Variants in IFT80 observed in about 807,000 individuals in gnomAD.
IFT80 encodes intraflagellar transport protein 80 homolog.
In IFT80, 79 loss-of-function variants were observed where a neutral mutation model predicts 107.9. The ratio of observed to expected loss-of-function variants is 0.73; its 90% CI spans 0.61 to 0.88. The LOEUF is 0.88. Ranked by LOEUF, IFT80 falls within the 40% of genes least tolerant of loss-of-function variation. The probability of loss-of-function intolerance (pLI) is 0.00; values close to 1 mark genes in which losing one functional copy is unlikely to be tolerated. For synonymous variants in IFT80, 299 were observed against 300.9 expected (o/e 0.99, Z 0.07); for missense variants, 797 against 914.2 (o/e 0.87, Z 1.65).
intron 14 of IFT80, among the ~76,000 whole-genome samples, chr3:160,281,422 G>A (rs1419357562): frequency 6.6e-6 from 1 of 152,180 alleles, no homozygotes; most frequent in Admixed American, 6.5e-5. Context: ...GGGTGGAAAT[G>A]TTACAGCAGG....
intron 11 of IFT80, among the ~76,000 whole-genome samples, chr3:160,301,836 A>G (rs966223381): frequency 1.3e-5 from 2 of 152,114 alleles, no homozygotes; most frequent in Admixed American, 6.5e-5. Flanking sequence ...CTCCATAGAG[A>G]TAACTATGGC....
intron 15 of IFT80, 92 bp from the exon 16 acceptor site, chr3:160,279,456 C>T (rs1714520778): frequency 2.1e-6 from 2 of 970,176 alleles, no homozygotes; most frequent in South Asian, 1.4e-5. Context: ...CCGTGAAATA[C>T]ACACGGAGTC....
chr3:160,361,058 C>T (rs1721455376), intron 6 of IFT80, among the ~76,000 whole-genome samples: 1 of 152,104 alleles, frequency 6.6e-6, no homozygotes, highest in Non-Finnish European at 1.5e-5. Context: ...GGGCTAAATG[C>T]CCCAATTAAA....
At chr3:160,343,653 T>C (rs1720078954) in intron 8 of IFT80, 1 of 182,384 alleles carries the variant, frequency 5.5e-6, no homozygotes, top group African/African-American at 2.4e-5. Flanking sequence ...TTACTTACCA[T>C]CCAGTAATGT....
In IFT80 at chr3:160,399,126, C is replaced by A. The variant is rs1714138480; in HGVS notation, c.-47+20G>T. ...CTTCCAAACCCTTTTCTCACCAGGTCCAGAGGTGAAGGGATTTACCTCAAG... is the reference window on the plus strand; with the variant it reads ...CTTCCAAACCCTTTTCTCACCAGGTACAGAGGTGAAGGGATTTACCTCAAG... On this transcript the variant is annotated intron_variant, in intron 1 of 19. Coordinates refer to ENST00000326448, the MANE Select transcript of IFT80 (RefSeq NM_020800.3). 6.6e-6 allele frequency: 1 copy of A among 152,416 alleles called. No individual in the cohort carries two copies. The highest frequency in any genetic ancestry group is 2.1e-4 in the South Asian group (1 of 4,820). 9.4% of individuals were successfully genotyped at this position (152,416 alleles called of 1,614,324 possible).
intron 4 of IFT80, among the ~76,000 whole-genome samples, chr3:160,376,763 C>A (rs1712056336): frequency 6.6e-6 from 1 of 152,194 alleles, no homozygotes; most frequent in Admixed American, 6.5e-5. Context: ...CTTAAGCAAC[C>A]CTATGGAGAT....
chr3:160,383,600 CA>C, intron 2 of IFT80: 2 of 911,548 alleles, frequency 2.2e-6, no homozygotes, highest in Non-Finnish European at 2.6e-6. Flanking sequence ...CAAATTGCTA[CA>C]AAAATTTCTC....
intron 13 of IFT80, among the ~76,000 whole-genome samples, chr3:160,283,014 A>T (rs1281459067): frequency 6.6e-6 from 1 of 152,188 alleles, no homozygotes; most frequent in African/African-American, 2.4e-5. Flanking sequence ...TGTAAAAAAA[A>T]TTTTGGAAAT....
rs2108231281 is a variant in IFT80 at position 160,280,643 on chromosome 3, G to C, written c.1664+24C>G. ...TTAGAGTTTTATTTACTACAAAACA[G>C]AATTATACGCAGTAAAATGTTACCT... On this transcript the variant is annotated intron_variant, in intron 15 of 19. Transcript: ENST00000326448. The C allele has an allele frequency of 1.9e-6, 3 of 1,595,232 alleles. No individual in the cohort carries two copies. The South Asian group carries it at 3.3e-5, about 18-fold the overall frequency.
At chr3:160,362,802 C>T (rs1044220002) in intron 6 of IFT80, among the ~76,000 whole-genome samples, 5 of 152,052 alleles carry the variant, frequency 3.3e-5, no homozygotes, top group Admixed American at 1.3e-4. Context: ...AAAAGGCCTT[C>T]GACAAAATTC....
chr3:160,383,509 A>T, intron 2 of IFT80: 1 of 857,102 alleles, frequency 1.2e-6, no homozygotes, highest in Non-Finnish European at 1.4e-6. Flanking sequence ...ATTTTTCTTT[A>T]TTTCGAATCC....
intron 9 of IFT80, among the ~76,000 whole-genome samples, chr3:160,308,932 C>T (rs373228409): frequency 6.6e-6 from 1 of 152,188 alleles, no homozygotes; most frequent in East Asian, 1.9e-4. Context: ...AGCATGGACA[C>T]AGCAAGAAGG....
intron 8 of IFT80, among the ~76,000 whole-genome samples, chr3:160,346,395 C>G (rs1053487085): frequency 7.9e-5 from 12 of 152,032 alleles, no homozygotes; most frequent in African/African-American, 2.7e-4. Flanking sequence ...TGTCAATTAA[C>G]AATAAAACTT....
At position 160,258,466 on chromosome 3, in the gene IFT80, C is replaced by A; in HGVS notation, c.*59G>T. On this transcript the variant is annotated 3_prime_UTR_variant, in exon 20 of 20. Transcript: ENST00000326448. ...TTCTTTAGCAACCAAAACATGCTTA[C>A]CCTTGGTTAATCAGAACGTGTTTCA... 1.2e-6 allele frequency: 2 copies of A among 1,607,852 alleles called. No homozygotes were observed. The highest frequency in any genetic ancestry group is 3.3e-5 in the Admixed American group (2 of 59,870).
Position 160,381,613 on chromosome 3 carries a change from A to G in IFT80, c.149T>C (p.Ile50Thr), listed in dbSNP as rs768189853. 5 of 1,613,106 alleles carry G rather than the reference A, an allele frequency of 3.1e-6. No homozygotes were observed. The highest frequency in any genetic ancestry group is 1.7e-5 in the Admixed American group (1 of 59,990). ...GTAAATATCATCAGGAAGCTTTACT[A>G]TTTGAGTTGTTTCACTGGTTAACAA... ...WNLLTSETTQ[I>T]VKLPDDIYPI... The change falls in exon 3 of 20, where the codon ATA (isoleucine) becomes ACA (threonine). Residue 50 changes from isoleucine (I) to threonine (T), a missense_variant. Transcript: ENST00000326448.
At chr3:160,327,647 G>C (rs1718768189) in intron 8 of IFT80, among the ~76,000 whole-genome samples, 1 of 152,092 alleles carries the variant, frequency 6.6e-6, no homozygotes, top group Non-Finnish European at 1.5e-5. Context: ...ATGCAGGAAA[G>C]TGAAACTGGA....
intron 8 of IFT80, among the ~76,000 whole-genome samples, chr3:160,322,042 A>T (rs1029866036): frequency 6.9e-6 from 1 of 144,028 alleles, no homozygotes; most frequent in African/African-American, 2.6e-5. Flanking sequence ...TTATTTATTT[A>T]TTATTATTAT....
chr3:160,337,592 C>A (rs2108328075), intron 8 of IFT80, among the ~76,000 whole-genome samples: 1 of 152,154 alleles, frequency 6.6e-6, no homozygotes, highest in East Asian at 1.9e-4. Flanking sequence ...CCACTGTACT[C>A]CAGCCTAGGT....
At chr3:160,335,258 T>C (rs1719380152) in intron 8 of IFT80, among the ~76,000 whole-genome samples, 3 of 147,634 alleles carry the variant, frequency 2.0e-5, no homozygotes, top group Admixed American at 6.9e-5. Context: ...TGAGACGGAG[T>C]CTTGCTCTGT....
Sources: allele counts gnomAD v4.1 joint callset (sites outside exome capture counted in the v4.1 genomes callset), GRCh38; gene constraint gnomAD v4.1.1; transcripts MANE v1.5; gene names NCBI Gene and HGNC (gene_info 2026-07-23, HGNC 2026-07-21).